The following RALGDS variants were observed in gnomAD, a reference collection of about 807,000 sequenced individuals.
RALGDS encodes the protein ral guanine nucleotide exchange factor.
In RALGDS, 44 loss-of-function variants were observed where a neutral mutation model predicts 99.8. The ratio of observed to expected loss-of-function variants is 0.44; its 90% CI spans 0.35 to 0.57. RALGDS has a LOEUF of 0.57. Among genes scored for constraint, RALGDS ranks in the 20% least tolerant of loss-of-function variants. The probability of loss-of-function intolerance (pLI) is 0.01; values close to 1 mark genes in which losing one functional copy is unlikely to be tolerated. For missense variants in RALGDS, 1,022 were observed against 1,203.1 expected (o/e 0.85, Z 2.23); for synonymous variants, 529 against 505.0 (o/e 1.05, Z -0.64).
At chr9:133,141,504 G>C (rs1268803976) in intron 1 of RALGDS, among the ~76,000 whole-genome samples, 1 of 146,758 alleles carries the variant, frequency 6.8e-6, no homozygotes, top group Non-Finnish European at 1.5e-5. Flanking sequence ...GGGACCTCAG[G>C]GCAGACAGGG....
In RALGDS at chr9:133,108,840, C is replaced by T; in HGVS notation, c.611G>A (p.Trp204Ter). ...GAAATCCTCCGAGTACTGGTCCAGC[C>T]AGGTGCCCAGGATGGAGGAGATGGC... Reference protein sequence around the residue: ...KNAISSILGTWLDQYSEDFCQ... With the variant: ...KNAISSILGT The change falls in exon 5 of 18, where the codon TGG becomes TAG. Residue 204 changes from tryptophan to a stop codon, truncating the protein, a stop_gained. Coordinates refer to ENST00000372050, the MANE Select transcript of RALGDS (RefSeq NM_006266.4). LOFTEE classifies it high-confidence loss of function. The T allele has an allele frequency of 6.2e-7, 1 of 1,612,966 alleles. No individual in the cohort carries two copies. The highest frequency in any genetic ancestry group is 8.5e-7 in the Non-Finnish European group (1 of 1,179,864).
chr9:133,147,131 C>A (rs567655327), intron 1 of RALGDS, among the ~76,000 whole-genome samples: 3 of 152,196 alleles, frequency 2.0e-5, no homozygotes, highest in Admixed American at 1.3e-4. Flanking sequence ...TTGGGCCACA[C>A]TGGCCTCCTT....
At chr9:133,099,600 G>A (rs1830652985) in intron 17 of RALGDS, 1 of 154,982 alleles carries the variant, frequency 6.5e-6, no homozygotes, top group Non-Finnish European at 1.4e-5. Context: ...ACATATACAT[G>A]CATATATATA....
intron 11 of RALGDS, 33 bp downstream of exon 11, chr9:133,103,714 G>C (rs201117518): frequency 6.2e-7 from 1 of 1,605,480 alleles, no homozygotes; most frequent in South Asian, 1.1e-5. Flanking sequence ...CTCTCCTCCC[G>C]GGCCCTACTC....
Position 133,106,744 on chromosome 9 carries a change from C to A in RALGDS, c.1418G>T (p.Cys473Phe). The change falls in exon 8 of 18, where the codon TGC becomes TTC. Residue 473 changes from cysteine (C) to phenylalanine (F), a missense_variant. By Grantham distance (205) the Cys-to-Phe change is radical (BLOSUM62 -2). Around this residue, in one of 3 missense-constraint regions of RALGDS, gnomAD observed 825 missense variants for 994.5 expected, o/e 0.83. Coordinates refer to ENST00000372050, the MANE Select transcript of RALGDS (RefSeq NM_006266.4). ...VEHWIEVARE[C>F]RILKNFSSLY... ...TGACGAGAAGTTCTTGAGGATCCGGCACTCCTGGGGCGGGAAGAGCAGGAG... is the reference window on the plus strand; with the variant it reads ...TGACGAGAAGTTCTTGAGGATCCGGAACTCCTGGGGCGGGAAGAGCAGGAG... The A allele has an allele frequency of 6.2e-7, 1 of 1,608,752 alleles. No homozygotes were observed.
chr9:133,119,937 A>C (rs780134574), intron 1 of RALGDS, among the ~76,000 whole-genome samples: 6 of 152,190 alleles, frequency 3.9e-5, no homozygotes, highest in Admixed American at 6.5e-5. Flanking sequence ...AACGCGCCAC[A>C]GTCTAAAGCC....
chr9:133,131,083 T>A (rs1248033081), exon 1 of RALGDS: 24 of 1,487,026 alleles, frequency 1.6e-5, no homozygotes, highest in Middle Eastern at 1.9e-4. Flanking sequence ...CACAGGCACA[T>A]CAGGCCCTGG....
At chr9:133,101,493 G>A (rs1252880790) in intron 16 of RALGDS, 27 bp downstream of exon 16, 5 of 1,609,794 alleles carry the variant, frequency 3.1e-6, no homozygotes, top group Non-Finnish European at 3.4e-6. Flanking sequence ...GTGGAGGGAG[G>A]CACCCAGGCC....
intron 9 of RALGDS, among the ~76,000 whole-genome samples, chr9:133,105,599 A>C (rs1382903831): frequency 6.6e-6 from 1 of 151,914 alleles, no homozygotes; most frequent in East Asian, 1.9e-4. Context: ...CAGGAGCCGC[A>C]TCCCCTTCCC....
At position 133,098,827 on chromosome 9, in the gene RALGDS, G is replaced by A. The variant is rs147457502; in HGVS notation, c.2570-65C>T. On this transcript the variant is annotated intron_variant, in intron 17 of 17. Coordinates refer to ENST00000372050, the MANE Select transcript of RALGDS (RefSeq NM_006266.4). ...GGGGGCCCTGCAGGATACCCCTACC[G>A]CTTGAGAGCCCATACAAGGACTGTC... 4.9e-5 allele frequency: 75 copies of A among 1,515,436 alleles called. No individual in the cohort carries two copies. In the Middle Eastern group the frequency reaches 1.6e-3, roughly 33 times the overall value. 93.9% of individuals were successfully genotyped at this position (1,515,436 alleles called of 1,614,324 possible). A position where few individuals can be genotyped will look rare whatever the true frequency, so the allele number is the denominator to read the frequency against.
In RALGDS at chr9:133,098,469, G is replaced by A; in HGVS notation, c.*118C>T. ...CCCAGCAGCGGGAGAGGTTCAGGAT[G>A]AAACTGGAGTCTGGGGTACCCTGGG... On this transcript the variant is annotated 3_prime_UTR_variant, in exon 18 of 18. Coordinates refer to ENST00000372050, the MANE Select transcript of RALGDS (RefSeq NM_006266.4). 2 of 1,087,792 alleles carry A rather than the reference G, an allele frequency of 1.8e-6. No individual in the cohort carries two copies. The highest frequency in any genetic ancestry group is 2.7e-6 in the Non-Finnish European group (2 of 733,376). 67.4% of individuals were successfully genotyped at this position (1,087,792 alleles called of 1,614,324 possible). A position where few individuals can be genotyped will look rare whatever the true frequency, so the allele number is the denominator to read the frequency against.
chr9:133,108,104 A>C lies in RALGDS; in HGVS notation c.1081T>G (p.Leu361Val), dbSNP rs1313545756. Reference protein sequence around the residue: ...LEPAPAPVPSLQPSWPSPVVA... With the variant: ...LEPAPAPVPSVQPSWPSPVVA... ...ACAGGTGAAGGCCAGGAAGGCTGTA[A>C]TGATGGAACTGGTGCTGGAGCTGGC... The change falls in exon 6 of 18, where the codon TTA becomes GTA. Residue 361 changes from leucine (L) to valine (V), a missense_variant. Around this residue, in one of 3 missense-constraint regions of RALGDS, gnomAD observed 825 missense variants for 994.5 expected, o/e 0.83. Transcript: ENST00000372050. The C allele has an allele frequency of 2.5e-6, 4 of 1,613,582 alleles. No homozygotes were observed. The highest frequency in any genetic ancestry group is 3.4e-6 in the Non-Finnish European group (4 of 1,180,030).
At chr9:133,109,761 T>A in intron 3 of RALGDS, 40 bp from the exon 4 acceptor site, 2 of 1,553,214 alleles carry the variant, frequency 1.3e-6, no homozygotes, top group Non-Finnish European at 1.8e-6. Flanking sequence ...ACTCTCCGAC[T>A]AGAACGGAGG....
chr9:133,102,929 G>A, intron 12 of RALGDS, 29 bp from the exon 13 acceptor site: 1 of 1,611,644 alleles, frequency 6.2e-7, no homozygotes, highest in Non-Finnish European at 8.5e-7. Context: ...ACAGGGCGGT[G>A]ACAAGGCCCC....
In RALGDS at chr9:133,140,472, C is replaced by T. The variant is rs72769447; in HGVS notation, c.18+8491G>A. Reference sequence around the variant, plus strand: ...GGTCAGATGGGCACACCTGACCTCTCGGGTGGTGTCCAGCAGAGAGGTCCT... The same window carrying T: ...GGTCAGATGGGCACACCTGACCTCTTGGGTGGTGTCCAGCAGAGAGGTCCT... On this transcript the variant is annotated intron_variant, in intron 1 of 17. Transcript: ENST00000393160. 4.1e-3 allele frequency among the ~76,000 whole-genome samples: 628 copies of T among 152,260 alleles called. 1 individual carries two copies. The highest frequency in any genetic ancestry group is 7.1e-3 in the Admixed American group (109 of 15,304).
chr9:133,108,967 G>C (rs897886149), intron 4 of RALGDS, 101 bp from the exon 5 acceptor site: 2 of 1,186,046 alleles, frequency 1.7e-6, no homozygotes, highest in Non-Finnish European at 2.4e-6. Context: ...CACCTGCCCC[G>C]GCCCAAGCCC....
At chr9:133,110,130 C>G (rs530575509) in intron 3 of RALGDS, among the ~76,000 whole-genome samples, 166 bp downstream of exon 3, 14 of 152,326 alleles carry the variant, frequency 9.2e-5, no homozygotes, top group Admixed American at 8.5e-4. Flanking sequence ...TCATCCCGCC[C>G]AGGCATGGTG....
intron 1 of RALGDS, among the ~76,000 whole-genome samples, chr9:133,148,058 C>G (rs1006739885): frequency 6.6e-6 from 1 of 152,164 alleles, no homozygotes; most frequent in Admixed American, 6.5e-5. Context: ...CTTCAGCCCC[C>G]CCGGCTTCTC....
rs397893189 is a variant in RALGDS, at chr9:133,145,375, AC to A, written c.18+3587del. Among the ~76,000 whole-genome samples the A allele has an allele frequency of 6.8e-5, 10 of 146,458 alleles. No homozygotes were observed. In the East Asian group the frequency reaches 1.3e-3, roughly 19 times the overall value. On this transcript the variant is annotated intron_variant, in intron 1 of 17. Coordinates refer to the RALGDS transcript ENST00000393160. ...CCTGGCAACTCCCCGGATTCTTGTT[AC>A]CCCCACCCCCCGCCCCGGCATGGCC...
Sources: gnomAD v4.1 joint callset for allele counts (sites outside exome capture counted in the v4.1 genomes callset) on GRCh38, gnomAD v4.1.1 for gene constraint, gnomAD v4.1.1 regional missense constraint, MANE v1.5 for transcripts, NCBI Gene and HGNC (gene_info 2026-07-23, HGNC 2026-07-21) for gene names.